CDC25A: variants seen among roughly 807,000 people sequenced by gnomAD.
CDC25A encodes M-phase inducer phosphatase 1.
Under a neutral mutation model 64.6 loss-of-function variants are expected in CDC25A, and 17 were observed. The observed-to-expected ratio is 0.26, with a 90% CI of 0.18 to 0.39. The LOEUF is 0.39. Ranked by LOEUF, CDC25A falls within the 10% of genes least tolerant of loss-of-function variation. The pLI, the probability that CDC25A is intolerant of heterozygous loss-of-function variation, is 1.00. For synonymous variants in CDC25A, 229 were observed against 238.6 expected (o/e 0.96, Z 0.37); for missense variants, 473 against 654.8 (o/e 0.72, Z 3.03).
At chr3:48,187,631 C>G (rs2032891369) in intron 1 of CDC25A, 147 bp downstream of exon 1, 4 of 748,466 alleles carry the variant, frequency 5.3e-6, no homozygotes, top group Non-Finnish European at 8.1e-6. Context: ...CGGGGGTGCA[C>G]ATGGCAGGCC....
intron 1 of CDC25A, among the ~76,000 whole-genome samples, chr3:48,187,504 A>C (rs3729577): frequency 0.21 from 32,064 of 152,230 alleles, 4,312 homozygotes; most frequent in Non-Finnish European, 0.3. Context: ...ATAGAAGGAG[A>C]GTACGGAGCA....
intron 10 of CDC25A, among the ~76,000 whole-genome samples, chr3:48,166,998 C>A (rs1012057425): frequency 6.6e-6 from 1 of 152,194 alleles, no homozygotes; most frequent in Non-Finnish European, 1.5e-5. Flanking sequence ...TCCTTCAAAA[C>A]CCATTTGGGC....
At chr3:48,164,654 A>G (rs1399131536) in intron 12 of CDC25A, among the ~76,000 whole-genome samples, 1 of 152,172 alleles carries the variant, frequency 6.6e-6, no homozygotes, top group Non-Finnish European at 1.5e-5. Context: ...AGTAATGCAC[A>G]TGGGGACTGG....
At chr3:48,159,513 A>G in intron 13 of CDC25A, 58 bp from the exon 14 acceptor site, 1 of 1,136,014 alleles carries the variant, frequency 8.8e-7, no homozygotes, top group African/African-American at 1.5e-5. Context: ...GCAACAAGGC[A>G]ACGCAGTCAA....
At chr3:48,185,559 G>A (rs546978255) in intron 2 of CDC25A, among the ~76,000 whole-genome samples, 5 of 150,616 alleles carry the variant, frequency 3.3e-5, no homozygotes, top group Non-Finnish European at 7.4e-5. Context: ...TAGGGAAGCT[G>A]AGGCAGAAGA....
chr3:48,170,712 G>T (rs1314674701), intron 9 of CDC25A, among the ~76,000 whole-genome samples: 2 of 152,202 alleles, frequency 1.3e-5, no homozygotes, highest in South Asian at 4.1e-4. Context: ...GGGTGGGGCT[G>T]AAAGTTCCAA....
rs190444887 is a variant in CDC25A at position 48,177,731 on chromosome 3, C to T, written c.684+123G>A. On this transcript the variant is annotated intron_variant, in intron 7 of 14. Transcript: ENST00000302506. Reference sequence around the variant, plus strand: ...ATTAAATGAATTATCACCAAATGAACAAAAATATCAGCTAAGCAAGCCCCG... The same window carrying T: ...ATTAAATGAATTATCACCAAATGAATAAAAATATCAGCTAAGCAAGCCCCG... The T allele has an allele frequency of 4.3e-4, 487 of 1,145,316 alleles. 3 individuals carry two copies. In the African/African-American group the frequency reaches 6.6e-3, roughly 16 times the overall value. The allele number at this position is 1,145,316 out of a possible 1,614,324, so 70.9% of individuals were successfully genotyped here. A position where few individuals can be genotyped will look rare whatever the true frequency, so the allele number is the denominator to read the frequency against.
chr3:48,176,150 GCAA>G (rs1441340581), intron 8 of CDC25A, among the ~76,000 whole-genome samples: 3 of 152,146 alleles, frequency 2.0e-5, no homozygotes, highest in Non-Finnish European at 2.9e-5. Flanking sequence ...CCCAGCCTGG[GCAA>G]CAGAGGGAGA....
chr3:48,179,956 C>T (rs1448339720), intron 6 of CDC25A, among the ~76,000 whole-genome samples: 1 of 152,144 alleles, frequency 6.6e-6, no homozygotes, highest in Non-Finnish European at 1.5e-5. Flanking sequence ...TAGATGCTAT[C>T]AGTTAATCCA....
chr3:48,165,999 T>C (rs2031996663), intron 10 of CDC25A, 106 bp from the exon 11 acceptor site: 2 of 812,594 alleles, frequency 2.5e-6, no homozygotes, highest in African/African-American at 1.7e-5. Flanking sequence ...AAACAAACAT[T>C]AATGGCCAGG....
At chr3:48,170,043 T>G (rs1231970182) in intron 9 of CDC25A, among the ~76,000 whole-genome samples, 1 of 151,588 alleles carries the variant, frequency 6.6e-6, no homozygotes. Flanking sequence ...ACCCAGAAAT[T>G]TAGCCCTGTA....
intron 1 of CDC25A, among the ~76,000 whole-genome samples, chr3:48,187,017 T>C (rs1331094636): frequency 2.0e-5 from 3 of 152,240 alleles, no homozygotes. Context: ...ATGATGGCTA[T>C]GGCAAATGTT....
At chr3:48,165,505 A>G (rs2031978653) in intron 12 of CDC25A, 131 bp downstream of exon 12, 1 of 641,882 alleles carries the variant, frequency 1.6e-6, no homozygotes, top group Non-Finnish European at 2.8e-6. Flanking sequence ...TGCCTTCCAC[A>G]CTCACTGTAT....
intron 3 of CDC25A, among the ~76,000 whole-genome samples, chr3:48,184,430 G>A (rs1267268309): frequency 6.6e-6 from 1 of 152,052 alleles, no homozygotes; most frequent in Admixed American, 6.6e-5. Context: ...GTAAGGGTTT[G>A]GGTAAGACCC....
chr3:48,171,113 T>G (rs1000392875), intron 9 of CDC25A, among the ~76,000 whole-genome samples: 2 of 152,070 alleles, frequency 1.3e-5, no homozygotes, highest in African/African-American at 4.8e-5. Flanking sequence ...GGCTCACACC[T>G]GTAACCCCAG....
chr3:48,182,860 A>T, intron 5 of CDC25A, 69 bp downstream of exon 5: 1 of 1,008,680 alleles, frequency 9.9e-7, no homozygotes, highest in Non-Finnish European at 1.6e-6. Flanking sequence ...CAGCCCAGCC[A>T]CTTCTAAGCC....
chr3:48,181,732 G>T, intron 5 of CDC25A: 1 of 761,060 alleles, frequency 1.3e-6, no homozygotes, highest in South Asian at 1.4e-5. Flanking sequence ...AGTAAAGACT[G>T]GCTGAATTAT....
intron 8 of CDC25A, 125 bp downstream of exon 8, chr3:48,177,246 G>A: frequency 1.4e-6 from 1 of 712,556 alleles, no homozygotes; most frequent in Non-Finnish European, 2.5e-6. Context: ...GCCAAAGTGA[G>A]GCCTAAAACC....
rs746970478 is a variant in CDC25A at position 48,187,790 on chromosome 3, T to C, written c.158A>G (p.Gln53Arg). The change falls in exon 1 of 15, where the codon CAG becomes CGG. Residue 53 changes from glutamine to arginine, a missense_variant. Around this residue, in one of 2 missense-constraint regions of CDC25A, gnomAD observed 376 missense variants for 431.9 expected, o/e 0.87. Transcript: ENST00000302506. ...TNLTVTMDQL[Q>R]GLGSDYEQPL... ...GGTCTCTCCTTACCTGCCCAGACCC[T>C]GCAGCTGGTCCATAGTGACGGTCAG... 1 of 1,546,586 alleles carries C rather than the reference T, an allele frequency of 6.5e-7. No homozygotes were observed.
Sources: gnomAD v4.1 joint callset for allele counts (sites outside exome capture counted in the v4.1 genomes callset) on GRCh38, gnomAD v4.1.1 for gene constraint, gnomAD v4.1.1 regional missense constraint, MANE v1.5 for transcripts, NCBI Gene and HGNC (gene_info 2026-07-23, HGNC 2026-07-21) for gene names.